Variants in CYP26B1 observed in about 807,000 individuals in gnomAD.
CYP26B1 encodes the protein cytochrome P450 26B1.
In CYP26B1, 8 loss-of-function variants were observed where a neutral mutation model predicts 39.1. That is an observed-to-expected ratio of 0.20 (90% CI 0.12 to 0.37). The LOEUF (loss-of-function observed/expected upper bound fraction) is 0.37. Among genes scored for constraint, CYP26B1 ranks in the 10% least tolerant of loss-of-function variants. The pLI, the probability that CYP26B1 is intolerant of heterozygous loss-of-function variation, is 1.00. For missense variants in CYP26B1, 615 were observed against 707.0 expected (o/e 0.87, Z 1.48); for synonymous variants, 321 against 314.3 (o/e 1.02, Z -0.23).
At chr2:72,143,878 G>T in intron 2 of CYP26B1, 111 bp downstream of exon 2, 1 of 1,293,650 alleles carries the variant, frequency 7.7e-7, no homozygotes, top group Non-Finnish European at 1.1e-6. Context: ...CTTCAAGCAT[G>T]GTGTGCAAAG....
chr2:72,133,114 C>T lies in CYP26B1; in HGVS notation c.1055G>A (p.Arg352His), dbSNP rs756970139. The T allele has an allele frequency of 6.8e-6, 11 of 1,613,166 alleles. No homozygotes were observed. Among genetic ancestry groups the T allele is most frequent in the East Asian group, 4.5e-5 (2 of 44,878 alleles). Residue 352 changes from arginine to histidine, a missense_variant, in exon 5 of 6, where the codon CGC (arginine) becomes CAC (histidine). By Grantham distance (29) the Arg-to-His change is conservative. Transcript: ENST00000001146. ...CTCCTTGATGACGCAGTCCAGGTAG[C>T]GCAGCCCACTGAGCGTGTCCAGGCG... ...TLRLDTLSGL[R>H]YLDCVIKEVM... is the part of the protein sequence containing the mutation.
At chr2:72,136,742 C>T (rs1459819511) in intron 2 of CYP26B1, among the ~76,000 whole-genome samples, 1 of 152,198 alleles carries the variant, frequency 6.6e-6, no homozygotes, top group African/African-American at 2.4e-5. Context: ...TAACTACTGC[C>T]TCCCTTCAGA....
chr2:72,135,378 G>A lies in CYP26B1; in HGVS notation c.471C>T (p.Tyr157=), dbSNP rs941431650. The A allele has an allele frequency of 1.2e-6, 2 of 1,613,470 alleles. No homozygotes were observed. Among genetic ancestry groups the A allele is most frequent in the Non-Finnish European group, 1.7e-6 (2 of 1,180,044 alleles). The change falls in exon 3 of 6, where the codon TAC becomes TAT. Residue 157 remains tyrosine, a synonymous_variant. Transcript: ENST00000001146. ...GGATCACCAGCTGGATCTTGGGCAGGTAACTCTCCAGGGCCTCGTGGCTGA... is the reference window on the plus strand; with the variant it reads ...GGATCACCAGCTGGATCTTGGGCAGATAACTCTCCAGGGCCTCGTGGCTGA... ...KIFSHEALES[Y]LPKIQLVIQD...
rs144968323 is a variant in CYP26B1, at chr2:72,133,139, G to T, written c.1030C>A (p.Arg344Ser). The T allele has an allele frequency of 6.2e-7, 1 of 1,612,592 alleles. No individual in the cohort carries two copies. Among genetic ancestry groups the T allele is most frequent in the South Asian group, 1.1e-5 (1 of 91,074 alleles). The change falls in exon 5 of 6, where the codon CGC becomes AGC. Residue 344 changes from arginine (R) to serine (S), a missense_variant. Coordinates refer to ENST00000001146, the MANE Select transcript of CYP26B1 (RefSeq NM_019885.4). ...CGCAGCCCACTGAGCGTGTCCAGGCGCAGTGTGCCCTCGCAGGGGCAGCCG... is the reference window on the plus strand; with the variant it reads ...CGCAGCCCACTGAGCGTGTCCAGGCTCAGTGTGCCCTCGCAGGGGCAGCCG... The part of the protein sequence containing the change: ...SGGCPCEGTL[R>S]LDTLSGLRYL...
In CYP26B1 at chr2:72,144,153, A is replaced by G. The variant is rs765822358; in HGVS notation, c.265T>C (p.Leu89=). 6.2e-7 allele frequency: 1 copy of G among 1,611,308 alleles called. No homozygotes were observed. Among genetic ancestry groups the G allele is most frequent in the Non-Finnish European group, 8.5e-7 (1 of 1,177,724 alleles). The change falls in exon 2 of 6, where the codon TTG becomes CTG. Residue 89 remains leucine, a synonymous_variant. Transcript: ENST00000001146. ...GTCACGCGTATCAGCGGCCGCCCCA[A>G]CAAATGCGTCTTGAACACGTTGCCA... ...KYGNVFKTHL[L]GRPLIRVTGA...
intron 3 of CYP26B1, 57 bp from the exon 4 acceptor site, chr2:72,134,973 GGACCACCAGGGAC>G: frequency 6.2e-7 from 1 of 1,606,952 alleles, no homozygotes; most frequent in South Asian, 1.1e-5. Flanking sequence ...CTGAGCCTCG[GGACCACCAGGGAC>G]GACTCCAGCC....
intron 2 of CYP26B1, among the ~76,000 whole-genome samples, chr2:72,135,681 G>A (rs1676751218): frequency 6.6e-6 from 1 of 152,190 alleles, no homozygotes; most frequent in African/African-American, 2.4e-5. Context: ...CCGGGACACA[G>A]GACGGAAGTG....
At position 72,147,335 on chromosome 2, in the gene CYP26B1, TCCACGC is replaced by T. The variant is rs1257158371; in HGVS notation, c.204+290_204+295del. ...GCCTCGCTAGGCGCCCCCGGGGCGC[TCCACGC>T]CCCCTGCCAGGCCAGCCGCGACCCA... On this transcript the variant is annotated intron_variant, in intron 1 of 5. Transcript: ENST00000001146. The surrounding 1 kb of genome is among the most constrained non-coding windows in gnomAD (Gnocchi z 6.1). Among the ~76,000 whole-genome samples, 1 of 152,016 alleles carries T rather than the reference TCCACGC, an allele frequency of 6.6e-6. No homozygotes were observed. Among genetic ancestry groups the T allele is most frequent in the Non-Finnish European group, 1.5e-5 (1 of 67,972 alleles).
intron 1 of CYP26B1, chr2:72,144,439 C>T: frequency 3.7e-6 from 5 of 1,335,256 alleles, no homozygotes; most frequent in Non-Finnish European, 4.8e-6. Flanking sequence ...CCCAGGGGCA[C>T]CCCCAGGAGG....
intron 2 of CYP26B1, among the ~76,000 whole-genome samples, chr2:72,135,629 C>T (rs372740756): frequency 1.3e-5 from 2 of 152,316 alleles, no homozygotes; most frequent in African/African-American, 4.8e-5. Flanking sequence ...AGGGCCAGAG[C>T]AGGGCGGCTG....
intron 3 of CYP26B1, 45 bp from the exon 4 acceptor site, chr2:72,134,961 A>G (rs1180563251): frequency 1.2e-6 from 2 of 1,610,182 alleles, no homozygotes; most frequent in Non-Finnish European, 8.5e-7. Context: ...GCAGGCTCCC[A>G]TCTGAGCCTC....
intron 4 of CYP26B1, 53 bp from the exon 5 acceptor site, chr2:72,133,360 G>C: frequency 6.4e-7 from 1 of 1,573,398 alleles, no homozygotes; most frequent in Non-Finnish European, 8.6e-7. Flanking sequence ...AGCCAGGCAG[G>C]GGCCGCCCCA....
intron 2 of CYP26B1, among the ~76,000 whole-genome samples, chr2:72,140,356 C>A (rs529532516): frequency 6.6e-6 from 1 of 152,372 alleles, no homozygotes; most frequent in Admixed American, 6.5e-5. Context: ...TACCCGCCCC[C>A]CTCAGCAGCC....
chr2:72,143,503 A>C (rs1257093931), intron 2 of CYP26B1, among the ~76,000 whole-genome samples: 1 of 115,860 alleles, frequency 8.6e-6, no homozygotes, highest in African/African-American at 3.2e-5. Flanking sequence ...AGGCCCCGCC[A>C]CCGCAGCCCA....
rs1160154460 is a variant in CYP26B1, at chr2:72,135,389, G to C, written c.460C>G (p.Leu154Val). Reference protein sequence around the residue: ...VFSKIFSHEALESYLPKIQLV... With the variant: ...VFSKIFSHEAVESYLPKIQLV... Reference sequence around the variant, plus strand: ...TGGATCTTGGGCAGGTAACTCTCCAGGGCCTCGTGGCTGAAGATCTTGGAG... The same window carrying C: ...TGGATCTTGGGCAGGTAACTCTCCACGGCCTCGTGGCTGAAGATCTTGGAG... The change falls in exon 3 of 6, where the codon CTG becomes GTG. Residue 154 changes from leucine to valine, a missense_variant. Leu to Val is a conservative substitution (Grantham distance 32). Transcript: ENST00000001146. The C allele has an allele frequency of 2.5e-6, 4 of 1,612,928 alleles. No homozygotes were observed. Among genetic ancestry groups the C allele is most frequent in the Non-Finnish European group, 3.4e-6 (4 of 1,180,034 alleles).
At position 72,140,231 on chromosome 2, in the gene CYP26B1, C is replaced by T. The variant is rs564110901; in HGVS notation, c.429+3758G>A. 1.4e-3 allele frequency among the ~76,000 whole-genome samples: 207 copies of T among 152,346 alleles called. 1 individual carries two copies. Among genetic ancestry groups the T allele is most frequent in the Non-Finnish European group, 2.3e-3 (156 of 68,040 alleles). ...GGCTGGCCCCTGAATCCAGGCCGCC[C>T]ACCCTCCCGCTGCCTGGCACAAGGG... On this transcript the variant is annotated intron_variant, in intron 2 of 5. Coordinates refer to ENST00000001146, the MANE Select transcript of CYP26B1 (RefSeq NM_019885.4).
At chr2:72,134,651 G>A in intron 4 of CYP26B1, 110 bp downstream of exon 4, 1 of 1,492,638 alleles carries the variant, frequency 6.7e-7, no homozygotes, top group Non-Finnish European at 9.1e-7. Flanking sequence ...AAGCATGTGT[G>A]GGGCCAGACT....
chr2:72,135,085 C>T (rs1237740553), intron 3 of CYP26B1, 59 bp downstream of exon 3: 9 of 1,609,268 alleles, frequency 5.6e-6, no homozygotes, highest in Non-Finnish European at 6.8e-6. Context: ...GCCACCCACC[C>T]CCAGAGAGGG....
chr2:72,139,774 C>G (rs913726108), intron 2 of CYP26B1, among the ~76,000 whole-genome samples: 4 of 152,272 alleles, frequency 2.6e-5, no homozygotes. Flanking sequence ...CCCAAGGTCA[C>G]AGTCCAGAGC....
Sources: gnomAD v4.1 joint callset for allele counts (sites outside exome capture counted in the v4.1 genomes callset) on GRCh38, gnomAD v4.1.1 for gene constraint, Gnocchi (gnomAD v3.1) non-coding constraint, MANE v1.5 for transcripts, NCBI Gene and HGNC (gene_info 2026-07-23, HGNC 2026-07-21) for gene names.